KHDC1: variants seen among roughly 807,000 people sequenced by gnomAD.
KHDC1 encodes KH domain containing 1, also known as KH homology domain-containing protein 1.
A neutral mutation model predicts 24.7 loss-of-function variants in KHDC1; 21 were observed. The observed-to-expected ratio is 0.85, with a 90% CI of 0.60 to 1.23. The LOEUF is 1.23. Among genes scored for constraint, KHDC1 ranks in the 50% most tolerant of loss-of-function variants. KHDC1 has a pLI of 0.00. For synonymous variants in KHDC1, 98 were observed against 111.7 expected (o/e 0.88, Z 0.77); for missense variants, 274 against 298.5 (o/e 0.92, Z 0.61).
chr6:73,277,713 C>T (rs1767323694), intron 2 of KHDC1, among the ~76,000 whole-genome samples: 1 of 151,848 alleles, frequency 6.6e-6, no homozygotes, highest in African/African-American at 2.4e-5. Context: ...ATTAGCCAGG[C>T]ATGTTGGCAT....
chr6:73,283,883 T>A (rs1767465107), intron 2 of KHDC1, among the ~76,000 whole-genome samples: 2 of 151,818 alleles, frequency 1.3e-5, no homozygotes. Context: ...CACCATTCTT[T>A]CCTCTTTGAT....
chr6:73,257,118 C>A (rs1766892884), intron 2 of KHDC1, among the ~76,000 whole-genome samples: 1 of 152,092 alleles, frequency 6.6e-6, no homozygotes, highest in Non-Finnish European at 1.5e-5. Flanking sequence ...CATGGCAAAA[C>A]CCCATCTCTA....
chr6:73,262,752 C>G, intron 2 of KHDC1, 22 bp downstream of exon 1: 2 of 985,400 alleles, frequency 2.0e-6, no homozygotes, highest in South Asian at 4.7e-5. Context: ...AAGAAATGTG[C>G]AAGATCTAGA....
At chr6:73,289,869 G>C (rs78648883) in intron 2 of KHDC1, among the ~76,000 whole-genome samples, 7,852 of 148,574 alleles carry the variant, frequency 0.053, 1 homozygote, top group East Asian at 0.098. Context: ...GGGAGGCCGA[G>C]GCGGGTGGAT....
At chr6:73,254,115 G>C (rs1381125255) in intron 2 of KHDC1, among the ~76,000 whole-genome samples, 1 of 152,012 alleles carries the variant, frequency 6.6e-6, no homozygotes, top group Non-Finnish European at 1.5e-5. Flanking sequence ...TATAGGCATG[G>C]ACTAAGGAGG....
intron 2 of KHDC1, among the ~76,000 whole-genome samples, chr6:73,289,969 G>A (rs998128509): frequency 9.2e-5 from 10 of 108,388 alleles, no homozygotes; most frequent in Non-Finnish European, 1.5e-4. Flanking sequence ...GCGCGGTGGC[G>A]GGCGCCTGTA....
chr6:73,254,642 AAAAAGAAG>A (rs1013916613), intron 2 of KHDC1, among the ~76,000 whole-genome samples: 1 of 152,140 alleles, frequency 6.6e-6, no homozygotes, highest in Non-Finnish European at 1.5e-5. Flanking sequence ...TCTATACAGA[AAAAAGAAG>A]AAAAGAAATT....
At chr6:73,296,182 C>G (rs2984128) in intron 1 of KHDC1, among the ~76,000 whole-genome samples, 63 of 150,962 alleles carry the variant, frequency 4.2e-4, no homozygotes, top group African/African-American at 1.4e-3. Flanking sequence ...CGGCCAGGTG[C>G]GGTGGCTCAT....
chr6:73,292,560 C>A (rs532251628), intron 1 of KHDC1: 5 of 767,238 alleles, frequency 6.5e-6, no homozygotes, highest in Non-Finnish European at 1.2e-5. Context: ...GATAATAATT[C>A]TGTGAGTTCT....
At chr6:73,248,964 A>G (rs1328941410) in intron 2 of KHDC1, among the ~76,000 whole-genome samples, 1 of 151,922 alleles carries the variant, frequency 6.6e-6, no homozygotes. Flanking sequence ...AAAAGAAAGA[A>G]AGAAAAGGTA....
At chr6:73,309,069 C>A (rs936128321) in intron 1 of KHDC1, among the ~76,000 whole-genome samples, 1 of 152,208 alleles carries the variant, frequency 6.6e-6, no homozygotes, top group Admixed American at 6.5e-5. Flanking sequence ...AAGTGATGGG[C>A]CTTGGCCTCC....
At chr6:73,290,094 G>C (rs7758996) in intron 2 of KHDC1, among the ~76,000 whole-genome samples, 1 of 105,806 alleles carries the variant, frequency 9.5e-6, no homozygotes, top group African/African-American at 3.6e-5. Flanking sequence ...GCAACAGAGC[G>C]AGACTCCGTC....
intron 2 of KHDC1, among the ~76,000 whole-genome samples, chr6:73,267,355 C>G (rs1025227784): frequency 6.6e-6 from 1 of 152,044 alleles, no homozygotes; most frequent in African/African-American, 2.4e-5. Context: ...TGGTGGCAGG[C>G]GCCTGTAGTC....
At chr6:73,255,264 G>A (rs1317493328) in intron 2 of KHDC1, among the ~76,000 whole-genome samples, 1 of 141,588 alleles carries the variant, frequency 7.1e-6, no homozygotes, top group African/African-American at 2.6e-5. Flanking sequence ...CTGTCACCCA[G>A]GCTGGAGTGC....
At chr6:73,255,933 A>C (rs58345476) in intron 2 of KHDC1, among the ~76,000 whole-genome samples, 10,905 of 150,080 alleles carry the variant, frequency 0.073, 468 homozygotes, top group African/African-American at 0.13. Flanking sequence ...AAGAGGTCAG[A>C]CTCCTTAAAT....
chr6:73,255,268 G>A (rs1766861363), intron 2 of KHDC1, among the ~76,000 whole-genome samples: 1 of 139,552 alleles, frequency 7.2e-6, no homozygotes, highest in Non-Finnish European at 1.5e-5. Context: ...CACCCAGGCT[G>A]GAGTGCAGTA....
At chr6:73,295,241 C>T (rs141750773) in intron 1 of KHDC1, among the ~76,000 whole-genome samples, 178 of 152,280 alleles carry the variant, frequency 1.2e-3, no homozygotes, top group African/African-American at 4.1e-3. Flanking sequence ...ACTCCTCCTT[C>T]ATCTTACACC....
chr6:73,309,006 A>G (rs1411749645), intron 1 of KHDC1, among the ~76,000 whole-genome samples: 1 of 152,004 alleles, frequency 6.6e-6, no homozygotes, highest in East Asian at 1.9e-4. Context: ...TTGTATTTTT[A>G]GTAGAGATGG....
chr6:73,266,316 T>TA (rs1420874152), intron 2 of KHDC1, among the ~76,000 whole-genome samples: 11 of 152,246 alleles, frequency 7.2e-5, no homozygotes, highest in Non-Finnish European at 1.3e-4. Context: ...TTGAGCTTTT[T>TA]ACTACATACC....
Sources: allele counts gnomAD v4.1 joint callset (sites outside exome capture counted in the v4.1 genomes callset), GRCh38; gene constraint gnomAD v4.1.1; transcripts MANE v1.5; gene names NCBI Gene and HGNC (gene_info 2026-07-23, HGNC 2026-07-21).